Variants in CALCRL observed in about 807,000 individuals in gnomAD.
CALCRL encodes calcitonin gene-related peptide type 1 receptor.
A neutral mutation model predicts 60.4 loss-of-function variants in CALCRL; 27 were observed. The observed-to-expected ratio is 0.45, with a 90% CI of 0.33 to 0.62. CALCRL has a LOEUF of 0.62. CALCRL is among the 20% of genes least tolerant of loss of function. CALCRL has a pLI of 0.03. For synonymous variants in CALCRL, 190 were observed against 182.6 expected (o/e 1.04, Z -0.33); for missense variants, 424 against 540.7 (o/e 0.78, Z 2.14).
At chr2:187,366,310 T>C (rs1281617159) in intron 8 of CALCRL, among the ~76,000 whole-genome samples, 2 of 149,338 alleles carry the variant, frequency 1.3e-5, no homozygotes, top group African/African-American at 5.0e-5. Context: ...GTAGGATGAC[T>C]ATAGTTAATA....
At chr2:187,353,993 A>G (rs565213613) in intron 12 of CALCRL, among the ~76,000 whole-genome samples, 1 of 152,090 alleles carries the variant, frequency 6.6e-6, no homozygotes, top group East Asian at 1.9e-4. Flanking sequence ...ATTGTCTTAG[A>G]ATGAATTGGA....
At chr2:187,392,519 G>A (rs1297665165) in intron 1 of CALCRL, among the ~76,000 whole-genome samples, 1 of 151,898 alleles carries the variant, frequency 6.6e-6, no homozygotes, top group Non-Finnish European at 1.5e-5. Context: ...TACTCCAATC[G>A]CAGAGTTCCA....
chr2:187,445,656 G>C (rs968188060), intron 1 of CALCRL, among the ~76,000 whole-genome samples: 1 of 151,234 alleles, frequency 6.6e-6, no homozygotes, highest in Non-Finnish European at 1.5e-5. Flanking sequence ...CAAATACTTT[G>C]TCCACATTAA....
intron 1 of CALCRL, among the ~76,000 whole-genome samples, chr2:187,396,022 TTGTTG>T (rs201475009): frequency 0.025 from 1,082 of 43,616 alleles, 13 homozygotes; most frequent in African/African-American, 0.081. Flanking sequence ...CTGACACTGT[TTGTTG>T]TTGTTGTTGT....
In CALCRL at chr2:187,368,663, C is replaced by T. The variant is rs1687396643; in HGVS notation, c.501-5161G>A. On this transcript the variant is annotated intron_variant, in intron 8 of 14. Transcript: ENST00000392370. ...CTAAAAACTTCCAAACTACTTTTCT[C>T]AATACTAATTATGAGCAAAATGAAT... Among the ~76,000 whole-genome samples, 4 of 152,048 alleles carry T rather than the reference C, an allele frequency of 2.6e-5. No individual in the cohort carries two copies. The South Asian group carries it at 6.2e-4, about 24-fold the overall frequency.
At chr2:187,439,106 G>A (rs1297806036) in intron 1 of CALCRL, among the ~76,000 whole-genome samples, 6 of 152,092 alleles carry the variant, frequency 3.9e-5, no homozygotes, top group African/African-American at 9.7e-5. Flanking sequence ...TTATCTAGGT[G>A]CTTCATATAT....
intron 1 of CALCRL, among the ~76,000 whole-genome samples, chr2:187,394,466 A>G (rs1164632118): frequency 1.3e-5 from 2 of 152,112 alleles, no homozygotes; most frequent in African/African-American, 2.4e-5. Flanking sequence ...TGGTACAGCT[A>G]GGATAGAAAA....
rs1170449706 is a variant in CALCRL at position 187,345,941 on chromosome 2, A to G, written c.*243T>C. The G allele has an allele frequency of 2.9e-6, 1 of 344,200 alleles. No individual in the cohort carries two copies. Among genetic ancestry groups the G allele is most frequent in the African/African-American group, 2.1e-5 (1 of 46,984 alleles). 21.3% of individuals were successfully genotyped at this position (344,200 alleles called of 1,614,324 possible). A position where few individuals can be genotyped will look rare whatever the true frequency, so the allele number is the denominator to read the frequency against. ...ATTCCACACTTGGTGATGTCAGGTT[A>G]GTAGCGTCACATCAGGCATAGTGGG... On this transcript the variant is annotated 3_prime_UTR_variant, in exon 15 of 15. Coordinates refer to ENST00000392370, the MANE Select transcript of CALCRL (RefSeq NM_005795.6).
chr2:187,411,840 C>T (rs948361808), intron 1 of CALCRL, among the ~76,000 whole-genome samples: 8 of 151,546 alleles, frequency 5.3e-5, no homozygotes, highest in African/African-American at 1.9e-4. Context: ...ACTAAAAATA[C>T]AAAAAATTAG....
intron 14 of CALCRL, among the ~76,000 whole-genome samples, chr2:187,347,422 G>C (rs943505368): frequency 6.6e-6 from 1 of 151,756 alleles, no homozygotes; most frequent in African/African-American, 2.4e-5. Flanking sequence ...GGCTCTTTCA[G>C]TGCTTTTCCA....
At chr2:187,426,801 T>C (rs773535755) in intron 1 of CALCRL, among the ~76,000 whole-genome samples, 2 of 152,110 alleles carry the variant, frequency 1.3e-5, no homozygotes, top group African/African-American at 2.4e-5. Context: ...ATTGATTAAT[T>C]CAAGAGTTGA....
At chr2:187,364,608 A>C (rs696573) in intron 8 of CALCRL, among the ~76,000 whole-genome samples, 121,551 of 151,940 alleles carry the variant, frequency 0.8, 48,979 homozygotes, top group Middle Eastern at 0.85. Flanking sequence ...TCTTAAATAG[A>C]CTGTGTGCCC....
intron 8 of CALCRL, among the ~76,000 whole-genome samples, chr2:187,366,009 C>T (rs1011806680): frequency 1.3e-5 from 2 of 150,656 alleles, no homozygotes; most frequent in South Asian, 2.1e-4. Context: ...TTTGGGAGGC[C>T]GAGGCGGGTG....
intron 3 of CALCRL, among the ~76,000 whole-genome samples, chr2:187,386,961 G>A (rs1183050949): frequency 6.6e-6 from 1 of 152,130 alleles, no homozygotes; most frequent in Non-Finnish European, 1.5e-5. Flanking sequence ...TGATTGTGAG[G>A]CCTTCCCAGC....
intron 1 of CALCRL, among the ~76,000 whole-genome samples, chr2:187,404,550 T>C (rs1382770363): frequency 6.6e-6 from 1 of 151,506 alleles, no homozygotes; most frequent in Non-Finnish European, 1.5e-5. Context: ...CTGGGGTCTA[T>C]CTTGGTCATT....
intron 1 of CALCRL, chr2:187,431,372 A>T (rs1327477818): frequency 6.4e-6 from 1 of 155,084 alleles, no homozygotes; most frequent in Non-Finnish European, 1.5e-5. Context: ...ACCCTAGATG[A>T]CAAGAGAACA....
intron 14 of CALCRL, among the ~76,000 whole-genome samples, chr2:187,346,870 G>C (rs2105680738): frequency 1.3e-5 from 2 of 151,862 alleles, no homozygotes; most frequent in Middle Eastern, 6.8e-3. Context: ...GGCAGTAGCA[G>C]CAACCTTTGT....
chr2:187,436,518 G>A (rs1690651452), intron 1 of CALCRL: 1 of 152,088 alleles, frequency 6.6e-6, no homozygotes, highest in African/African-American at 2.4e-5. Flanking sequence ...CCCAGGAGGT[G>A]GTATTTACTT....
At chr2:187,356,828 A>G (rs1305481060) in intron 12 of CALCRL, among the ~76,000 whole-genome samples, 1 of 152,220 alleles carries the variant, frequency 6.6e-6, no homozygotes. Context: ...CAACGCCATC[A>G]AAAAGTGGGC....
Sources: allele counts gnomAD v4.1 joint callset (sites outside exome capture counted in the v4.1 genomes callset), GRCh38; gene constraint gnomAD v4.1.1; transcripts MANE v1.5; gene names NCBI Gene and HGNC (gene_info 2026-07-23, HGNC 2026-07-21).